MTA3: variants seen among roughly 807,000 people sequenced by gnomAD.
MTA3 encodes metastasis-associated protein MTA3.
A neutral mutation model predicts 83.5 loss-of-function variants in MTA3; 34 were observed. The observed-to-expected ratio is 0.41, with a 90% CI of 0.31 to 0.54. The LOEUF is 0.54. MTA3 is among the 20% of genes least tolerant of loss of function. The pLI is 0.33. For missense variants in MTA3, 761 were observed against 726.4 expected, an observed-to-expected ratio of 1.05 and a Z score of -0.55; for synonymous variants, 303 against 252.7, an observed-to-expected ratio of 1.20 and a Z score of -1.89.
At chr2:42,612,062 C>G (rs1484810615) in intron 4 of MTA3, among the ~76,000 whole-genome samples, 2 of 151,904 alleles carry the variant, frequency 1.3e-5, no homozygotes, top group Admixed American at 1.3e-4. Context: ...ACAGTTAGGC[C>G]GGGTAATATG....
chr2:42,589,684 T>C (rs1168142165), intron 3 of MTA3, among the ~76,000 whole-genome samples: 2 of 152,094 alleles, frequency 1.3e-5, no homozygotes, highest in African/African-American at 4.8e-5. Context: ...TCTGGAGTAG[T>C]TGGGATTACA....
At chr2:42,690,876 A>G (rs1373496207) in intron 9 of MTA3, among the ~76,000 whole-genome samples, 1 of 142,308 alleles carries the variant, frequency 7.0e-6, no homozygotes, top group Non-Finnish European at 1.5e-5. Context: ...TTATTTATTT[A>G]TTTATTTATT....
At chr2:42,554,719 T>G (rs907776860) in intron 2 of MTA3, among the ~76,000 whole-genome samples, 1 of 152,160 alleles carries the variant, frequency 6.6e-6, no homozygotes, top group African/African-American at 2.4e-5. Flanking sequence ...ATATTCTAAA[T>G]AGAGGGACAT....
At chr2:42,603,363 C>G (rs984142576) in intron 3 of MTA3, among the ~76,000 whole-genome samples, 2 of 152,166 alleles carry the variant, frequency 1.3e-5, no homozygotes, top group South Asian at 4.2e-4. Flanking sequence ...TAATTTGGTT[C>G]TGATTCTTTG....
chr2:42,616,934 C>T (rs564539390), intron 4 of MTA3, among the ~76,000 whole-genome samples: 3 of 152,184 alleles, frequency 2.0e-5, no homozygotes, highest in African/African-American at 4.8e-5. Flanking sequence ...TTTTAGATTT[C>T]GTGCTTTTTC....
intron 16 of MTA3, among the ~76,000 whole-genome samples, chr2:42,750,630 G>C (rs762854495): frequency 6.6e-6 from 1 of 152,162 alleles, no homozygotes; most frequent in Non-Finnish European, 1.5e-5. Context: ...CTGTTCCCCA[G>C]AGGATAAATG....
In MTA3 at chr2:42,644,235, C is replaced by G; in HGVS notation, c.490C>G (p.Leu164Val). The G allele has an allele frequency of 1.2e-5, 19 of 1,606,286 alleles. No homozygotes were observed. Among genetic ancestry groups the G allele is most frequent in the Non-Finnish European group, 1.6e-5 (19 of 1,175,634 alleles). ...PRYQADIPEM[L>V]LEGESDEREQ... ...ATATCAAGCAGACATTCCAGAAATG[C>G]TGTTAGAAGGTACGTTTTTCTGCGT... The change falls in exon 6 of 17, where the codon CTG (leucine) becomes GTG (valine). Residue 164 changes from leucine (L) to valine (V), a missense_variant. Transcript: ENST00000405094.
chr2:42,511,666 A>C (rs1347811839), intron 2 of MTA3: 1 of 152,416 alleles, frequency 6.6e-6, no homozygotes, highest in Non-Finnish European at 1.5e-5. Context: ...CAGTGAGCCA[A>C]GATCGCCCGT....
chr2:42,693,985 C>T (rs1029013620), intron 9 of MTA3, among the ~76,000 whole-genome samples: 4 of 152,136 alleles, frequency 2.6e-5, no homozygotes, highest in African/African-American at 7.2e-5. Context: ...ATGAATCTTG[C>T]AGGGACTGGG....
intron 2 of MTA3, among the ~76,000 whole-genome samples, chr2:42,558,349 C>T (rs1677498918): frequency 6.8e-6 from 1 of 147,070 alleles, no homozygotes; most frequent in Non-Finnish European, 1.5e-5. Flanking sequence ...TCAAGCGATT[C>T]TTCCTCTCAG....
intron 16 of MTA3, among the ~76,000 whole-genome samples, chr2:42,727,723 C>T (rs1295373980): frequency 6.6e-6 from 1 of 151,748 alleles, no homozygotes; most frequent in Non-Finnish European, 1.5e-5. Context: ...TGAGTTTTCT[C>T]CTCTATAAAT....
intron 13 of MTA3, among the ~76,000 whole-genome samples, 185 bp downstream of exon 13, chr2:42,708,239 A>G (rs1392191799): frequency 1.3e-5 from 2 of 152,236 alleles, no homozygotes; most frequent in African/African-American, 4.8e-5. Flanking sequence ...TTTATCAGGT[A>G]TTCAGAATAA....
rs531582012 is a variant in MTA3 at position 42,722,958 on chromosome 2, G to A, written c.1682G>A (p.Arg561Gln). 16 of 1,550,998 alleles carry A rather than the reference G, an allele frequency of 1.0e-5. No individual in the cohort carries two copies. Among genetic ancestry groups the A allele is most frequent in the East Asian group, 2.4e-5 (1 of 40,928 alleles). The change falls in exon 16 of 17, where the codon CGG becomes CAG. Residue 561 changes from arginine (R) to glutamine (Q), a missense_variant. Physicochemically the swap from Arg to Gln is conservative, Grantham distance 43 (BLOSUM62 1). Coordinates refer to ENST00000405094, the MANE Select transcript of MTA3 (RefSeq NM_001330442.2). ...AGCCTGCAAACCCCAACTACCAAGCGGATGCTAACAACTCCAAATCACACA... is the reference window on the plus strand; with the variant it reads ...AGCCTGCAAACCCCAACTACCAAGCAGATGCTAACAACTCCAAATCACACA... ...TPSLQTPTTK[R>Q]MLTTPNHTSL...
At chr2:42,704,379 G>A in intron 12 of MTA3, 61 bp downstream of exon 12, 1 of 1,601,544 alleles carries the variant, frequency 6.2e-7, no homozygotes, top group Non-Finnish European at 8.5e-7. Context: ...TGGGGTGTGA[G>A]CGTCTGGGAA....
intron 2 of MTA3, among the ~76,000 whole-genome samples, chr2:42,523,861 G>A (rs1675542983): frequency 6.6e-6 from 1 of 152,032 alleles, no homozygotes; most frequent in African/African-American, 2.4e-5. Flanking sequence ...AGGCTGCAGT[G>A]AGCCATGATC....
intron 6 of MTA3, among the ~76,000 whole-genome samples, chr2:42,646,042 G>T (rs980919549): frequency 1.3e-5 from 2 of 152,184 alleles, no homozygotes; most frequent in Admixed American, 6.5e-5. Flanking sequence ...AAAAATCCCA[G>T]ACCTCTTAAG....
chr2:42,504,278 C>T (rs1015599570), intron 2 of MTA3, among the ~76,000 whole-genome samples: 1 of 151,746 alleles, frequency 6.6e-6, no homozygotes, highest in Non-Finnish European at 1.5e-5. Flanking sequence ...TTCGCTCTGT[C>T]ATCCAAGCTG....
At chr2:42,631,871 A>G (rs554531377) in intron 4 of MTA3, among the ~76,000 whole-genome samples, 8 of 151,386 alleles carry the variant, frequency 5.3e-5, no homozygotes, top group South Asian at 2.1e-4. Flanking sequence ...TTTATTTGTC[A>G]TAGCGATGGG....
intron 2 of MTA3, among the ~76,000 whole-genome samples, chr2:42,542,653 G>A (rs1223701594): frequency 2.0e-5 from 3 of 152,108 alleles, no homozygotes; most frequent in Admixed American, 1.3e-4. Flanking sequence ...CCGGGTTCAA[G>A]CAATCCTCCC....
Sources: allele counts gnomAD v4.1 joint callset (sites outside exome capture counted in the v4.1 genomes callset), GRCh38; gene constraint gnomAD v4.1.1; transcripts MANE v1.5; gene names NCBI Gene and HGNC (gene_info 2026-07-23, HGNC 2026-07-21).